The following EPM2A variants were observed in gnomAD, a reference collection of about 807,000 sequenced individuals.
EPM2A encodes EPM2A glucan phosphatase, laforin, also known as laforin.
A neutral mutation model predicts 26.5 loss-of-function variants in EPM2A; 21 were observed. That is an observed-to-expected ratio of 0.79 (90% confidence interval 0.56 to 1.14). The LOEUF is 1.14. EPM2A is among the 50% of genes most tolerant of loss of function. The pLI, the probability that EPM2A is intolerant of heterozygous loss-of-function variation, is 0.00. For missense variants in EPM2A, 458 were observed against 440.8 expected (o/e 1.04, Z -0.35); for synonymous variants, 217 against 177.6 (o/e 1.22, Z -1.76).
At chr6:145,471,151 T>C (rs1779468112) in intron 4 of EPM2A, among the ~76,000 whole-genome samples, 1 of 152,194 alleles carries the variant, frequency 6.6e-6, no homozygotes, top group South Asian at 2.1e-4. Flanking sequence ...ATAACTCAGC[T>C]GCAAAACTGT....
At chr6:145,594,983 A>C (rs1281181455) in intron 2 of EPM2A, among the ~76,000 whole-genome samples, 1 of 151,418 alleles carries the variant, frequency 6.6e-6, no homozygotes, top group East Asian at 1.9e-4. Context: ...TTTTTTCTTA[A>C]CTTTTAGTAG....
chr6:145,638,821 T>A (rs997286490), intron 2 of EPM2A: 15 of 152,078 alleles, frequency 9.9e-5, no homozygotes, highest in African/African-American at 3.1e-4. Context: ...TGCATCCTAT[T>A]TCAGTTTGTT....
intron 2 of EPM2A, among the ~76,000 whole-genome samples, chr6:145,669,282 T>C (rs1357412566): frequency 1.3e-5 from 2 of 152,114 alleles, no homozygotes; most frequent in Non-Finnish European, 2.9e-5. Context: ...GATATAGAAA[T>C]AGGTAACAGC....
chr6:145,406,003 C>A (rs1305874413), intron 4 of EPM2A, among the ~76,000 whole-genome samples: 4 of 150,780 alleles, frequency 2.7e-5, no homozygotes, highest in African/African-American at 9.7e-5. Context: ...CACACACACA[C>A]ACACACACAC....
intron 4 of EPM2A, among the ~76,000 whole-genome samples, chr6:145,411,565 T>TAA (rs111501027): frequency 9.4e-5 from 14 of 148,782 alleles, no homozygotes; most frequent in South Asian, 4.2e-4. Flanking sequence ...TTGAGAATGG[T>TAA]AAAAAAAAAA....
chr6:145,726,252 GA>G (rs1300409706), intron 1 of EPM2A, among the ~76,000 whole-genome samples: 3 of 151,776 alleles, frequency 2.0e-5, no homozygotes, highest in Admixed American at 6.6e-5. Flanking sequence ...AACTGAACAA[GA>G]AAATAAAGTA....
chr6:145,435,409 T>TTATATATATA (rs3063952), intron 4 of EPM2A, among the ~76,000 whole-genome samples: 6 of 126,596 alleles, frequency 4.7e-5, no homozygotes, highest in African/African-American at 1.2e-4. Context: ...AGTGAAGAAT[T>TTATATATATA]TATATATATA....
chr6:145,605,001 C>G (rs1041276679), intron 2 of EPM2A, among the ~76,000 whole-genome samples: 6 of 152,058 alleles, frequency 3.9e-5, no homozygotes, highest in African/African-American at 1.4e-4. Flanking sequence ...TAAAGATCAC[C>G]CTGCCTAGAC....
At chr6:145,534,854 G>T (rs1480179793) in intron 2 of EPM2A, among the ~76,000 whole-genome samples, 1 of 152,158 alleles carries the variant, frequency 6.6e-6, no homozygotes, top group African/African-American at 2.4e-5. Flanking sequence ...AATAAGTTCA[G>T]TTTCCATGTC....
intron 1 of EPM2A, among the ~76,000 whole-genome samples, chr6:145,711,854 A>G (rs1775345818): frequency 6.6e-6 from 1 of 152,190 alleles, no homozygotes; most frequent in African/African-American, 2.4e-5. Flanking sequence ...CAAAAAGTTC[A>G]CAGAAAATGC....
At chr6:145,389,181 T>C (rs111695780) in intron 4 of EPM2A, among the ~76,000 whole-genome samples, 2,304 of 152,044 alleles carry the variant, frequency 0.015, 25 homozygotes, top group Non-Finnish European at 0.023. Context: ...TGACTTTTTT[T>C]CAAAGCATTC....
chr6:145,493,804 T>C (rs1402405754), intron 4 of EPM2A, among the ~76,000 whole-genome samples: 1 of 152,264 alleles, frequency 6.6e-6, no homozygotes, highest in African/African-American at 2.4e-5. Context: ...TTTGTGTATA[T>C]TGAACCAACC....
chr6:145,414,770 T>A (rs936912823), intron 4 of EPM2A, among the ~76,000 whole-genome samples: 3 of 152,152 alleles, frequency 2.0e-5, no homozygotes, highest in African/African-American at 7.2e-5. Context: ...CCTGAATCCA[T>A]TCTGTAATTT....
intron 2 of EPM2A, among the ~76,000 whole-genome samples, chr6:145,525,238 T>TA (rs1374039670): frequency 6.6e-6 from 1 of 151,238 alleles, no homozygotes; most frequent in Non-Finnish European, 1.5e-5. Context: ...TTTATTTATT[T>TA]ATTTATTTAT....
chr6:145,396,478 C>T (rs1349960236), intron 4 of EPM2A, among the ~76,000 whole-genome samples: 2 of 152,180 alleles, frequency 1.3e-5, no homozygotes, highest in East Asian at 1.9e-4. Context: ...CGACTTTAAC[C>T]TTCATACAGA....
intron 2 of EPM2A, among the ~76,000 whole-genome samples, chr6:145,599,976 G>GT (rs1447164432): frequency 1.3e-5 from 2 of 152,014 alleles, no homozygotes; most frequent in Non-Finnish European, 2.9e-5. Flanking sequence ...ATGTTATAAA[G>GT]TTTTGTCTCC....
intron 2 of EPM2A, among the ~76,000 whole-genome samples, chr6:145,599,262 A>C (rs1781386473): frequency 6.6e-6 from 1 of 152,058 alleles, no homozygotes; most frequent in Admixed American, 6.6e-5. Context: ...TATGTCTCTC[A>C]GTTTTGAATA....
intron 2 of EPM2A, among the ~76,000 whole-genome samples, chr6:145,512,967 A>G (rs1780076557): frequency 6.6e-6 from 1 of 152,118 alleles, no homozygotes; most frequent in Non-Finnish European, 1.5e-5. Context: ...AAAATTCTGG[A>G]ATCTGGGAAA....
At chr6:145,607,980 T>C (rs1775302587) in intron 2 of EPM2A, among the ~76,000 whole-genome samples, 1 of 152,234 alleles carries the variant, frequency 6.6e-6, no homozygotes, top group African/African-American at 2.4e-5. Context: ...CTTAACACTC[T>C]GTCACTGACA....
Sources: gnomAD v4.1 joint callset for allele counts (sites outside exome capture counted in the v4.1 genomes callset) on GRCh38, gnomAD v4.1.1 for gene constraint, MANE v1.5 for transcripts, NCBI Gene and HGNC (gene_info 2026-07-23, HGNC 2026-07-21) for gene names.